Variants in TGFBRAP1 observed in about 807,000 individuals in gnomAD.
TGFBRAP1 encodes the protein transforming growth factor beta receptor associated protein 1, also known as transforming growth factor-beta receptor-associated protein 1.
TGFBRAP1 carries 20 observed loss-of-function variants against 83.2 expected under a neutral mutation model. The ratio of observed to expected loss-of-function variants is 0.24; its 90% CI spans 0.17 to 0.35. The LOEUF is 0.35. Ranked by LOEUF, TGFBRAP1 falls within the 10% of genes least tolerant of loss-of-function variation. The pLI is 1.00. For missense variants in TGFBRAP1, 950 were observed against 1,099.4 expected (o/e 0.86, Z 1.92); for synonymous variants, 415 against 459.8 (o/e 0.90, Z 1.25).
At chr2:105,313,314 T>C (rs1678751322) in intron 1 of TGFBRAP1, among the ~76,000 whole-genome samples, 1 of 152,210 alleles carries the variant, frequency 6.6e-6, no homozygotes, top group Admixed American at 6.5e-5. Context: ...TGTAGGCTTC[T>C]AGAGGTCCCA....
At chr2:105,250,023 C>T in the TGFBRAP1 span, among the ~76,000 whole-genome samples, 1 of 152,182 alleles carries the variant, frequency 6.6e-6, no homozygotes, top group African/African-American at 2.4e-5. Flanking sequence ...GCAGAGAGTT[C>T]CAATGTCCTT....
intron 1 of TGFBRAP1, among the ~76,000 whole-genome samples, chr2:105,315,942 C>T (rs764766443): frequency 3.9e-5 from 6 of 152,102 alleles, no homozygotes; most frequent in Non-Finnish European, 5.9e-5. Context: ...AAAAAGGGAA[C>T]GGCTCAGTTT....
At chr2:105,280,274 C>A in intron 6 of TGFBRAP1, 108 bp downstream of exon 6, 1 of 1,214,438 alleles carries the variant, frequency 8.2e-7, no homozygotes, top group Non-Finnish European at 1.1e-6. Flanking sequence ...TACTTGGGAA[C>A]ATAAACATCA....
In TGFBRAP1 at chr2:105,269,811, G is replaced by T; in HGVS notation, c.1973-106C>A. ...GCTTCAGGAGGGGAAAAGTCAACCT[G>T]GCTCCCTCACAATGCCAAATGCTGC... On this transcript the variant is annotated intron_variant, in intron 10 of 11. Transcript: ENST00000393359. The surrounding 1 kb of genome is among the most constrained non-coding windows in gnomAD (Gnocchi z 4.1). The T allele has an allele frequency of 7.7e-7, 1 of 1,291,478 alleles. No individual in the cohort carries two copies. The highest frequency in any genetic ancestry group is 1.0e-6 in the Non-Finnish European group (1 of 979,030). The allele number at this position is 1,291,478 out of a possible 1,614,324, so 80.0% of individuals were successfully genotyped here. A position where few individuals can be genotyped will look rare whatever the true frequency, so the allele number is the denominator to read the frequency against.
chr2:105,329,115 G>A (rs934564755), intron 1 of TGFBRAP1, among the ~76,000 whole-genome samples: 5 of 152,104 alleles, frequency 3.3e-5, no homozygotes, highest in Non-Finnish European at 7.3e-5. Context: ...TCAGGCCTGA[G>A]TGTGACCCGA....
chr2:105,285,507 A>G (rs1011372544), intron 4 of TGFBRAP1, among the ~76,000 whole-genome samples: 1 of 152,208 alleles, frequency 6.6e-6, no homozygotes, highest in African/African-American at 2.4e-5. Flanking sequence ...GGCCTTTCTG[A>G]TTCTAGAGGC....
chr2:105,321,906 T>C (rs774396306), intron 1 of TGFBRAP1, among the ~76,000 whole-genome samples: 1 of 152,260 alleles, frequency 6.6e-6, no homozygotes, highest in Non-Finnish European at 1.5e-5. Context: ...CTGGTTTATG[T>C]ATTTACTCCA....
At chr2:105,251,362 A>T in the TGFBRAP1 span, among the ~76,000 whole-genome samples, 52,678 of 142,394 alleles carry the variant, frequency 0.37, 10,446 homozygotes, top group South Asian at 0.53. Context: ...AGATGTGGGG[A>T]GCGCCTCTGC....
chr2:105,282,831 G>GAA (rs11288685), intron 5 of TGFBRAP1, among the ~76,000 whole-genome samples: 33 of 133,026 alleles, frequency 2.5e-4, no homozygotes, highest in Non-Finnish European at 2.4e-4. Context: ...GCTTCAAAAC[G>GAA]AAAAAAAAAA....
chr2:105,277,619 C>T lies in TGFBRAP1; in HGVS notation c.1516G>A (p.Val506Ile). ...GGAAACCCTTCTAGACTCACCTGAA[C>T]TGCAGCAGCATCTTGGTTATTATAA... ...YHYNNQDAAAVQLWVNIVNGD... is the reference protein window; with the variant it reads ...YHYNNQDAAAIQLWVNIVNGD... Residue 506 changes from valine to isoleucine, a missense_variant, in exon 7 of 12, where the codon GTT (valine) becomes ATT (isoleucine). Physicochemically the swap from Val to Ile is conservative, Grantham distance 29 (BLOSUM62 3). Coordinates refer to ENST00000393359, the MANE Select transcript of TGFBRAP1 (RefSeq NM_004257.6). The T allele has an allele frequency of 1.2e-6, 2 of 1,614,096 alleles. No individual in the cohort carries two copies. The highest frequency in any genetic ancestry group is 1.1e-5 in the South Asian group (1 of 91,082).
intron 1 of TGFBRAP1, among the ~76,000 whole-genome samples, chr2:105,310,467 A>T (rs1678654792): frequency 6.6e-6 from 1 of 152,030 alleles, no homozygotes; most frequent in Non-Finnish European, 1.5e-5. Context: ...CCCCTAAGAC[A>T]TCTTCACACT....
intron 11 of TGFBRAP1, 24 bp from the exon 12 acceptor site, chr2:105,267,583 G>A (rs1168865454): frequency 1.2e-6 from 2 of 1,613,746 alleles, no homozygotes; most frequent in Non-Finnish European, 8.5e-7. Flanking sequence ...CCAAGACTGA[G>A]AATGCTGTCA....
In TGFBRAP1 at chr2:105,284,038, T is replaced by C. The variant is rs910694170; in HGVS notation, c.1121+278A>G. Among the ~76,000 whole-genome samples, 4 of 152,278 alleles carry C rather than the reference T, an allele frequency of 2.6e-5. 1 individual carries two copies. The highest frequency in any genetic ancestry group is 2.9e-5 in the Non-Finnish European group (2 of 68,024). ...AGATCCGCTCTTTAGAATTTTCTCC[T>C]GGCAAAACAATCTCGATGCCTCCAC... is the stretch of plus-strand genomic sequence containing the variant. On this transcript the variant is annotated intron_variant, in intron 5 of 11. Coordinates refer to ENST00000393359, the MANE Select transcript of TGFBRAP1 (RefSeq NM_004257.6).
At chr2:105,316,813 CAAAAA>C (rs5833133) in intron 1 of TGFBRAP1, among the ~76,000 whole-genome samples, 36 of 87,934 alleles carry the variant, frequency 4.1e-4, no homozygotes, top group Non-Finnish European at 6.9e-4. Flanking sequence ...GACTCTGTCT[CAAAAA>C]AAAAAAAAAA....
At chr2:105,322,407 G>T (rs1315805835) in intron 1 of TGFBRAP1, among the ~76,000 whole-genome samples, 1 of 152,162 alleles carries the variant, frequency 6.6e-6, no homozygotes, top group African/African-American at 2.4e-5. Context: ...CTATGGTACT[G>T]TACAGTAATG....
intron 1 of TGFBRAP1, among the ~76,000 whole-genome samples, chr2:105,323,573 A>C (rs986900258): frequency 2.0e-5 from 3 of 152,174 alleles, no homozygotes; most frequent in African/African-American, 2.4e-5. Context: ...TCCTGACTGA[A>C]TGAAGAGCCA....
chr2:105,304,594 C>A (rs1022296880), intron 2 of TGFBRAP1, among the ~76,000 whole-genome samples: 1 of 152,166 alleles, frequency 6.6e-6, no homozygotes, highest in African/African-American at 2.4e-5. Context: ...ACCAGCCTGG[C>A]CAACATGGTG....
intron 1 of TGFBRAP1, among the ~76,000 whole-genome samples, chr2:105,321,270 G>C (rs1377160362): frequency 6.6e-6 from 1 of 151,836 alleles, no homozygotes; most frequent in Non-Finnish European, 1.5e-5. Flanking sequence ...AGGTTCAAGT[G>C]CTTCTCCTGT....
intron 2 of TGFBRAP1, 82 bp from the exon 3 acceptor site, chr2:105,298,787 G>C (rs539062161): frequency 7.5e-7 from 1 of 1,341,978 alleles, no homozygotes; most frequent in South Asian, 1.5e-5. Context: ...GATGCAGACC[G>C]ACCCCTGCCC....
Sources: allele counts gnomAD v4.1 joint callset (sites outside exome capture counted in the v4.1 genomes callset), GRCh38; gene constraint gnomAD v4.1.1; non-coding constraint Gnocchi (gnomAD v3.1); transcripts MANE v1.5; gene names NCBI Gene and HGNC (gene_info 2026-07-23, HGNC 2026-07-21).